KCNIP4: variants seen among roughly 807,000 people sequenced by gnomAD.
The protein encoded by KCNIP4 is potassium voltage-gated channel interacting protein 4.
Under a neutral mutation model 34.0 loss-of-function variants are expected in KCNIP4, and 12 were observed. The ratio of observed to expected loss-of-function variants is 0.35; its 90% CI spans 0.23 to 0.57. KCNIP4 has a LOEUF of 0.57. Among genes scored for constraint, KCNIP4 ranks in the 20% least tolerant of loss-of-function variants. The pLI, the probability that KCNIP4 is intolerant of heterozygous loss-of-function variation, is 0.83. For synonymous variants in KCNIP4, 124 were observed against 102.2 expected, an observed-to-expected ratio of 1.21 and a Z score of -1.29; for missense variants, 238 against 311.7, an observed-to-expected ratio of 0.76 and a Z score of 1.78.
chr4:21,726,827 G>A (rs1202880634), intron 1 of KCNIP4, among the ~76,000 whole-genome samples: 1 of 152,098 alleles, frequency 6.6e-6, no homozygotes, highest in African/African-American at 2.4e-5. Flanking sequence ...TCAATCGATG[G>A]ATCAATCCTG....
intron 1 of KCNIP4, among the ~76,000 whole-genome samples, chr4:21,528,404 C>T (rs1360098090): frequency 6.6e-6 from 1 of 152,006 alleles, no homozygotes; most frequent in Non-Finnish European, 1.5e-5. Flanking sequence ...CATGGTGGCT[C>T]ATGCCTGTAA....
intron 1 of KCNIP4, among the ~76,000 whole-genome samples, chr4:21,532,024 G>A (rs1414292554): frequency 2.0e-5 from 3 of 152,092 alleles, no homozygotes; most frequent in African/African-American, 7.2e-5. Context: ...AACTGTCAGA[G>A]TGTTCGGTGC....
At chr4:21,348,443 T>C (rs1040942560) in intron 1 of KCNIP4, among the ~76,000 whole-genome samples, 2 of 152,178 alleles carry the variant, frequency 1.3e-5, no homozygotes, top group Non-Finnish European at 2.9e-5. Flanking sequence ...TGGCCTGTGC[T>C]CCTACAGCAT....
intron 1 of KCNIP4, among the ~76,000 whole-genome samples, chr4:21,757,436 T>C (rs1717742726): frequency 6.6e-6 from 1 of 152,176 alleles, no homozygotes; most frequent in Non-Finnish European, 1.5e-5. Flanking sequence ...TATGTTCAGA[T>C]ATTATCTGTC....
chr4:21,447,270 T>C (rs1188754779), intron 1 of KCNIP4, among the ~76,000 whole-genome samples: 2 of 151,574 alleles, frequency 1.3e-5, no homozygotes, highest in Non-Finnish European at 2.9e-5. Context: ...AAGATCGGAG[T>C]GATGAGGCCA....
At chr4:21,389,758 A>G (rs971285940) in intron 1 of KCNIP4, among the ~76,000 whole-genome samples, 7 of 152,042 alleles carry the variant, frequency 4.6e-5, no homozygotes, top group African/African-American at 1.7e-4. Context: ...GCCACAATAA[A>G]CATACGTGTG....
intron 1 of KCNIP4, among the ~76,000 whole-genome samples, chr4:21,635,526 A>ACAC (rs1300726325): frequency 3.9e-5 from 6 of 152,266 alleles, no homozygotes; most frequent in African/African-American, 1.4e-4. Flanking sequence ...CAGCCAAAAA[A>ACAC]CACATGAAAA....
chr4:21,479,762 A>T (rs1731273693), intron 1 of KCNIP4, among the ~76,000 whole-genome samples: 1 of 152,180 alleles, frequency 6.6e-6, no homozygotes, highest in Non-Finnish European at 1.5e-5. Context: ...AGCAGAGAAA[A>T]TATGCACAAA....
intron 1 of KCNIP4, among the ~76,000 whole-genome samples, chr4:20,965,163 A>G (rs1353589192): frequency 4.6e-4 from 70 of 152,180 alleles, no homozygotes; most frequent in Admixed American, 4.6e-3. Context: ...AAGCCTCAAA[A>G]AGAAGCAAAG....
chr4:20,827,871 T>C (rs974792388), intron 3 of KCNIP4, among the ~76,000 whole-genome samples: 3 of 151,526 alleles, frequency 2.0e-5, no homozygotes, highest in East Asian at 3.9e-4. Flanking sequence ...AAATCTGATA[T>C]GTAAAATGAC....
chr4:21,202,850 G>C (rs1756586108), intron 1 of KCNIP4, among the ~76,000 whole-genome samples: 1 of 152,056 alleles, frequency 6.6e-6, no homozygotes, highest in African/African-American at 2.4e-5. Flanking sequence ...AATCTACAAG[G>C]GCTACTAGGC....
chr4:20,892,657 G>C (rs1577325523), intron 1 of KCNIP4, among the ~76,000 whole-genome samples: 1 of 152,150 alleles, frequency 6.6e-6, no homozygotes, highest in East Asian at 1.9e-4. Context: ...AACATTTAGA[G>C]AGAGTTTTGG....
intron 5 of KCNIP4, among the ~76,000 whole-genome samples, chr4:20,741,765 A>G (rs1751166472): frequency 6.6e-6 from 1 of 152,228 alleles, no homozygotes; most frequent in Admixed American, 6.5e-5. Context: ...CCTTCAAAAA[A>G]TCAATGAATC....
At chr4:21,007,784 A>G (rs1334251718) in intron 1 of KCNIP4, among the ~76,000 whole-genome samples, 1 of 152,200 alleles carries the variant, frequency 6.6e-6, no homozygotes, top group African/African-American at 2.4e-5. Flanking sequence ...GGTGACAGTA[A>G]ATGAGAAGTA....
At chr4:21,101,866 A>G (rs1284373726) in intron 1 of KCNIP4, among the ~76,000 whole-genome samples, 1 of 152,222 alleles carries the variant, frequency 6.6e-6, no homozygotes, top group Non-Finnish European at 1.5e-5. Flanking sequence ...CATAGAAACT[A>G]TGATTTAAGT....
chr4:20,748,926 T>TA (rs1168224625), intron 5 of KCNIP4, among the ~76,000 whole-genome samples: 1 of 149,962 alleles, frequency 6.7e-6, no homozygotes, highest in Non-Finnish European at 1.5e-5. Flanking sequence ...ATGAAATACA[T>TA]ATATAAGCTA....
intron 1 of KCNIP4, among the ~76,000 whole-genome samples, chr4:21,088,780 T>C (rs6852207): frequency 0.012 from 1,779 of 152,206 alleles, 41 homozygotes; most frequent in African/African-American, 0.041. Flanking sequence ...ACACATCTTT[T>C]TCCCCCCGCC....
chr4:21,351,586 T>G (rs1718005141), intron 1 of KCNIP4, among the ~76,000 whole-genome samples: 1 of 152,138 alleles, frequency 6.6e-6, no homozygotes, highest in South Asian at 2.1e-4. Flanking sequence ...TTCCATAGTC[T>G]CCATACCTCA....
intron 1 of KCNIP4, among the ~76,000 whole-genome samples, chr4:21,158,039 T>TG (rs1395517245): frequency 1.3e-5 from 2 of 151,342 alleles, no homozygotes; most frequent in Admixed American, 6.6e-5. Context: ...AGAAACATTG[T>TG]GAAAAAAAAA....
Sources: gnomAD v4.1 joint callset for allele counts (sites outside exome capture counted in the v4.1 genomes callset) on GRCh38, gnomAD v4.1.1 for gene constraint, MANE v1.5 for transcripts, NCBI Gene and HGNC (gene_info 2026-07-23, HGNC 2026-07-21) for gene names.